The following GALNT13 variants were observed in gnomAD, a reference collection of about 807,000 sequenced individuals.
GALNT13 encodes the protein UDP-GalNAc:polypeptide N-acetylgalactosaminyltransferase 13.
Under a neutral mutation model 64.2 loss-of-function variants are expected in GALNT13, and 28 were observed. The ratio of observed to expected loss-of-function variants is 0.44; its 90% CI spans 0.32 to 0.60. GALNT13 has a LOEUF of 0.60. Ranked by LOEUF, GALNT13 falls within the 20% of genes least tolerant of loss-of-function variation. GALNT13 has a pLI of 0.05. For missense variants in GALNT13, 577 were observed against 669.8 expected (o/e 0.86, Z 1.53); for synonymous variants, 214 against 224.6 (o/e 0.95, Z 0.42).
chr2:153,971,960 A>G (rs1015269069), intron 3 of GALNT13, among the ~76,000 whole-genome samples: 1 of 152,122 alleles, frequency 6.6e-6, no homozygotes, highest in African/African-American at 2.4e-5. Context: ...CAGTGTCCTC[A>G]TAAGAGGAGA....
chr2:153,281,706 C>T, the GALNT13 span, among the ~76,000 whole-genome samples: 2 of 151,808 alleles, frequency 1.3e-5, no homozygotes, highest in East Asian at 3.9e-4. Flanking sequence ...TTTAAAAATG[C>T]GGAAAATATG....
At chr2:153,158,901 C>T in the GALNT13 span, 1 of 152,194 alleles carries the variant, frequency 6.6e-6, no homozygotes. Flanking sequence ...TAGTCTTGGG[C>T]TTCTAACAGA....
At chr2:154,030,288 A>G (rs1258931668) in intron 3 of GALNT13, among the ~76,000 whole-genome samples, 2 of 152,166 alleles carry the variant, frequency 1.3e-5, no homozygotes, top group Admixed American at 6.6e-5. Flanking sequence ...GAAAATTTGG[A>G]AGACATCCCA....
At chr2:154,241,356 A>G (rs949278689) in intron 4 of GALNT13, among the ~76,000 whole-genome samples, 2 of 151,950 alleles carry the variant, frequency 1.3e-5, no homozygotes, top group Non-Finnish European at 2.9e-5. Flanking sequence ...CTGTCATTTA[A>G]AGGGACCACG....
At chr2:153,329,236 G>A in the GALNT13 span, among the ~76,000 whole-genome samples, 1 of 152,184 alleles carries the variant, frequency 6.6e-6, no homozygotes, top group African/African-American at 2.4e-5. Context: ...GCAGACGGGA[G>A]CTGTTCCTAT....
the GALNT13 span, among the ~76,000 whole-genome samples, chr2:153,515,673 C>A: frequency 6.6e-6 from 1 of 152,092 alleles, no homozygotes; most frequent in East Asian, 1.9e-4. Flanking sequence ...CCTATGGGAC[C>A]ACTTAGTGGT....
chr2:153,459,684 A>G, the GALNT13 span, among the ~76,000 whole-genome samples: 1 of 152,198 alleles, frequency 6.6e-6, no homozygotes, highest in African/African-American at 2.4e-5. Context: ...TTAAATACAC[A>G]TAAGAACTTT....
At chr2:154,390,233 T>A (rs2105349987) in intron 9 of GALNT13, among the ~76,000 whole-genome samples, 1 of 152,286 alleles carries the variant, frequency 6.6e-6, no homozygotes, top group African/African-American at 2.4e-5. Flanking sequence ...AAAGACAGAT[T>A]TTTTTATACT....
chr2:153,553,437 G>A, the GALNT13 span, among the ~76,000 whole-genome samples: 3 of 152,254 alleles, frequency 2.0e-5, no homozygotes, highest in African/African-American at 7.2e-5. Flanking sequence ...GGGAGGTCAA[G>A]GCTGCAGTGA....
the GALNT13 span, among the ~76,000 whole-genome samples, chr2:153,541,638 C>T: frequency 6.6e-6 from 1 of 152,262 alleles, no homozygotes; most frequent in South Asian, 2.1e-4. Context: ...TGATTGTAGG[C>T]CATAAGACCT....
chr2:153,435,247 G>A, the GALNT13 span, among the ~76,000 whole-genome samples: 1 of 152,202 alleles, frequency 6.6e-6, no homozygotes, highest in African/African-American at 2.4e-5. Flanking sequence ...AATATAGTTT[G>A]AAGTCAGGTA....
intron 4 of GALNT13, among the ~76,000 whole-genome samples, chr2:154,219,186 A>G (rs1187845936): frequency 1.3e-5 from 2 of 152,082 alleles, no homozygotes; most frequent in African/African-American, 2.4e-5. Context: ...ATTAGCTAAC[A>G]TTTATTGAGT....
chr2:153,136,144 T>C, the GALNT13 span, among the ~76,000 whole-genome samples: 1 of 152,094 alleles, frequency 6.6e-6, no homozygotes, highest in Non-Finnish European at 1.5e-5. Context: ...TCAGGAGATA[T>C]TTGAGTGCTG....
chr2:154,074,624 G>A (rs1700895657), intron 3 of GALNT13, among the ~76,000 whole-genome samples: 1 of 151,766 alleles, frequency 6.6e-6, no homozygotes, highest in Non-Finnish European at 1.5e-5. Flanking sequence ...ATCTGGTAGA[G>A]ATACAACAAA....
the GALNT13 span, among the ~76,000 whole-genome samples, chr2:153,201,227 T>G: frequency 1.7e-4 from 26 of 152,322 alleles, 1 homozygote; most frequent in South Asian, 4.4e-3. Flanking sequence ...GATGTGGCAA[T>G]CAAGTCCTCA....
chr2:153,734,802 C>T, the GALNT13 span, among the ~76,000 whole-genome samples: 1 of 152,002 alleles, frequency 6.6e-6, no homozygotes, highest in Non-Finnish European at 1.5e-5. Context: ...TGGCCTAATT[C>T]GTAGTTGAAC....
At chr2:154,446,569 C>A (rs1701588398) in intron 12 of GALNT13, 2 of 1,539,622 alleles carry the variant, frequency 1.3e-6, no homozygotes, top group Non-Finnish European at 8.8e-7. Flanking sequence ...GTCAAACAGA[C>A]CCACACTCTT....
At chr2:154,343,898 TAAG>T (rs1423584464) in intron 9 of GALNT13, among the ~76,000 whole-genome samples, 4 of 152,156 alleles carry the variant, frequency 2.6e-5, no homozygotes, top group Admixed American at 1.3e-4. Context: ...ATTGAACCCC[TAAG>T]AAGAACATTT....
the GALNT13 span, among the ~76,000 whole-genome samples, chr2:153,139,765 A>G: frequency 1.3e-5 from 2 of 152,090 alleles, no homozygotes; most frequent in African/African-American, 4.8e-5. Flanking sequence ...ATAATCAGGT[A>G]TAATGCCAGG....
Sources: gnomAD v4.1 joint callset for allele counts (sites outside exome capture counted in the v4.1 genomes callset) on GRCh38, gnomAD v4.1.1 for gene constraint, MANE v1.5 for transcripts, NCBI Gene and HGNC (gene_info 2026-07-23, HGNC 2026-07-21) for gene names.